DAGLA: variants seen among roughly 807,000 people sequenced by gnomAD.
DAGLA encodes diacylglycerol lipase alpha, also known as diacylglycerol lipase-alpha.
Under a neutral mutation model 102.6 loss-of-function variants are expected in DAGLA, and 22 were observed. That is an observed-to-expected ratio of 0.21 (90% CI 0.15 to 0.31). The LOEUF is 0.31. DAGLA is among the 10% of genes least tolerant of loss of function. The pLI is 1.00. For missense variants in DAGLA, 927 were observed against 1,446.6 expected, an observed-to-expected ratio of 0.64 and a Z score of 5.83; for synonymous variants, 578 against 628.9, an observed-to-expected ratio of 0.92 and a Z score of 1.21.
intron 1 of DAGLA, among the ~76,000 whole-genome samples, chr11:61,703,509 G>A (rs569513766): frequency 2.0e-5 from 3 of 152,344 alleles, no homozygotes; most frequent in Admixed American, 2.0e-4. Flanking sequence ...GGCACGCCTG[G>A]CCTGTTGCAA....
At position 61,726,097 on chromosome 11, in the gene DAGLA, G is replaced by A. The variant is rs768675493; in HGVS notation, c.636+15G>A. On this transcript the variant is annotated intron_variant, in intron 6 of 19. Transcript: ENST00000257215. ...ACTCCCAGTCAGTAAGTACTGGGAG[G>A]TCGCTCCCCTCTGGCTCACATCCTG... The A allele has an allele frequency of 6.2e-7, 1 of 1,605,252 alleles. No homozygotes were observed. The highest frequency in any genetic ancestry group is 1.1e-5 in the South Asian group (1 of 91,016).
intron 1 of DAGLA, among the ~76,000 whole-genome samples, chr11:61,689,631 A>C (rs2065009499): frequency 1.0e-5 from 1 of 99,370 alleles, no homozygotes; most frequent in East Asian, 2.9e-4. Flanking sequence ...CAGACTCCCA[A>C]GTAGCTGGGA....
intron 1 of DAGLA, among the ~76,000 whole-genome samples, chr11:61,706,830 G>T (rs954118805): frequency 2.0e-5 from 3 of 152,234 alleles, no homozygotes; most frequent in Non-Finnish European, 2.9e-5. Context: ...AGGAGACGAG[G>T]TGCCACTTTC....
chr11:61,696,707 G>GGTTTGCGT (rs2065069395), intron 1 of DAGLA, among the ~76,000 whole-genome samples: 1 of 152,214 alleles, frequency 6.6e-6, no homozygotes, highest in Admixed American at 6.5e-5. Flanking sequence ...CCCCTAGCAA[G>GGTTTGCGT]GTTTGCGTGA....
chr11:61,702,855 C>T (rs901801030), intron 1 of DAGLA, among the ~76,000 whole-genome samples: 4 of 152,378 alleles, frequency 2.6e-5, no homozygotes, highest in African/African-American at 7.2e-5. Flanking sequence ...TGCATTACCA[C>T]AGGCAAATCA....
intron 5 of DAGLA, among the ~76,000 whole-genome samples, chr11:61,725,202 G>C (rs1304577416): frequency 6.6e-6 from 1 of 152,124 alleles, no homozygotes; most frequent in African/African-American, 2.4e-5. Flanking sequence ...TTTTAATGTT[G>C]GATCTGTTAT....
chr11:61,708,738 C>T (rs2135568384), intron 1 of DAGLA, among the ~76,000 whole-genome samples: 1 of 152,324 alleles, frequency 6.6e-6, no homozygotes, highest in East Asian at 1.9e-4. Context: ...AAGAGGGAGG[C>T]ACTGTCATCA....
intron 1 of DAGLA, among the ~76,000 whole-genome samples, chr11:61,681,297 A>C (rs972076049): frequency 6.6e-6 from 1 of 152,146 alleles, no homozygotes; most frequent in Non-Finnish European, 1.5e-5. Context: ...TGCCAGGAGA[A>C]GCTTCTACCA....
At chr11:61,701,629 T>C (rs978702114) in intron 1 of DAGLA, among the ~76,000 whole-genome samples, 1 of 152,198 alleles carries the variant, frequency 6.6e-6, no homozygotes, top group African/African-American at 2.4e-5. Flanking sequence ...ATATCTTGTT[T>C]GTTCTCACAT....
intron 9 of DAGLA, 146 bp downstream of exon 9, chr11:61,731,587 G>A: frequency 8.5e-7 from 1 of 1,172,826 alleles, no homozygotes; most frequent in South Asian, 1.5e-5. Context: ...CTAGTTCTGT[G>A]TTATCCCTGA....
At chr11:61,704,105 G>A (rs1234374506) in intron 1 of DAGLA, among the ~76,000 whole-genome samples, 4 of 143,062 alleles carry the variant, frequency 2.8e-5, no homozygotes, top group African/African-American at 1.0e-4. Context: ...ATCAAACAAA[G>A]TAGGTCAGAG....
chr11:61,711,393 G>T (rs1392329194), intron 1 of DAGLA, among the ~76,000 whole-genome samples: 1 of 152,210 alleles, frequency 6.6e-6, no homozygotes, highest in Non-Finnish European at 1.5e-5. Context: ...GAAGAATCCA[G>T]AAGCCAGACC....
chr11:61,722,863 C>T lies in DAGLA; in HGVS notation c.312C>T (p.Ile104=). 1 of 1,614,048 alleles carries T rather than the reference C, an allele frequency of 6.2e-7. No individual in the cohort carries two copies. The highest frequency in any genetic ancestry group is 8.5e-7 in the Non-Finnish European group (1 of 1,179,898). The change falls in exon 4 of 20, where the codon ATC becomes ATT. Residue 104 remains isoleucine, a synonymous_variant. Coordinates refer to ENST00000257215, the MANE Select transcript of DAGLA (RefSeq NM_006133.3). ...CCAGGCCTGCTCTCCTTGCAGCCAT[C>T]CTGGTGATCGAGTTCATCTACGCCA... The part of the protein sequence containing the change: ...MQYVLYVRLA[I]LVIEFIYAIV...
intron 1 of DAGLA, among the ~76,000 whole-genome samples, chr11:61,710,926 CTG>C (rs2065189459): frequency 6.6e-6 from 1 of 152,200 alleles, no homozygotes; most frequent in African/African-American, 2.4e-5. Flanking sequence ...GATGAGGAGA[CTG>C]ACGCTCAGTG....
At chr11:61,723,634 C>A (rs1591043374) in intron 5 of DAGLA, 62 bp downstream of exon 5, 1 of 1,581,410 alleles carries the variant, frequency 6.3e-7, no homozygotes, top group East Asian at 2.3e-5. Context: ...GAGCAGAGGT[C>A]TCCATTCTTC....
intron 1 of DAGLA, among the ~76,000 whole-genome samples, chr11:61,683,061 G>T (rs1256149475): frequency 6.6e-6 from 1 of 152,218 alleles, no homozygotes; most frequent in Non-Finnish European, 1.5e-5. Flanking sequence ...AAGCTGCAGA[G>T]CCTGAGTTGC....
chr11:61,728,828 G>T, intron 7 of DAGLA, 103 bp from the exon 8 acceptor site: 1 of 980,988 alleles, frequency 1.0e-6, no homozygotes, highest in Non-Finnish European at 1.6e-6. Context: ...TGGGCTTCTC[G>T]GCCTTTGGGA....
rs565200883 is a variant in DAGLA at position 61,707,965 on chromosome 11, G to C, written c.-44-12147G>C. Among the ~76,000 whole-genome samples the C allele has an allele frequency of 1.7e-3, 266 of 152,192 alleles. 5 individuals carry two copies. The South Asian group carries it at 0.03, about 17-fold the overall frequency. ...TAAAGGGCATTTAGGAGTCATAATAGGCTCTTGAGAAGGGAATTTATTTAT... is the reference window on the plus strand; with the variant it reads ...TAAAGGGCATTTAGGAGTCATAATACGCTCTTGAGAAGGGAATTTATTTAT... On this transcript the variant is annotated intron_variant, in intron 1 of 19. Transcript: ENST00000257215.
Position 61,744,347 on chromosome 11 carries a change from C to T in DAGLA, c.2987C>T (p.Ser996Phe). 2 of 1,612,666 alleles carry T rather than the reference C, an allele frequency of 1.2e-6. No individual in the cohort carries two copies. Among genetic ancestry groups the T allele is most frequent in the Non-Finnish European group, 8.5e-7 (1 of 1,179,764 alleles). The change falls in exon 20 of 20, where the codon TCC becomes TTC. Residue 996 changes from serine (S) to phenylalanine (F), a missense_variant. By Grantham distance (155) the Ser-to-Phe change is radical (BLOSUM62 -2). This residue lies in a region of DAGLA where 434 missense variants were observed against 503.3 expected (regional missense o/e 0.86). Coordinates refer to ENST00000257215, the MANE Select transcript of DAGLA (RefSeq NM_006133.3). ...ISLSPSFPLS[S>F]SGELMDLTPT... ...CTCTCGCCCTCCTTCCCGCTCAGCT[C>T]CTCGGGTGAGCTCATGGACCTGACG... is the stretch of plus-strand genomic sequence containing the variant.
Sources: allele counts gnomAD v4.1 joint callset (sites outside exome capture counted in the v4.1 genomes callset), GRCh38; gene constraint gnomAD v4.1.1; regional missense constraint gnomAD v4.1.1; transcripts MANE v1.5; gene names NCBI Gene and HGNC (gene_info 2026-07-23, HGNC 2026-07-21).